Variants in PHLDB2 observed in about 807,000 individuals in gnomAD.
PHLDB2 encodes the protein pleckstrin homology-like domain family B member 2.
PHLDB2 carries 71 observed loss-of-function variants against 123.6 expected under a neutral mutation model. That is an observed-to-expected ratio of 0.57 (90% CI 0.47 to 0.70). The LOEUF (loss-of-function observed/expected upper bound fraction) is 0.70. Among genes scored for constraint, PHLDB2 ranks in the 30% least tolerant of loss-of-function variants. PHLDB2 has a pLI of 0.00. For synonymous variants in PHLDB2, 547 were observed against 541.6 expected, an observed-to-expected ratio of 1.01 and a Z score of -0.14; for missense variants, 1,446 against 1,519.5, an observed-to-expected ratio of 0.95 and a Z score of 0.80.
chr3:111,853,409 G>A (rs1436045948), intron 2 of PHLDB2, among the ~76,000 whole-genome samples: 1 of 152,292 alleles, frequency 6.6e-6, no homozygotes, highest in South Asian at 2.1e-4. Context: ...AAAAGAGTGT[G>A]TAAATTGGAA....
At chr3:111,857,824 G>A (rs2064590306), upstream of PHLDB2, among the ~76,000 whole-genome samples, 2 of 152,206 alleles carry the variant, frequency 1.3e-5, no homozygotes, top group Admixed American at 6.5e-5. Flanking sequence ...CAGAGAATGT[G>A]GAGAAATGGG....
intron 6 of PHLDB2, among the ~76,000 whole-genome samples, chr3:111,935,093 A>ATTTT (rs34291565): frequency 3.6e-4 from 27 of 75,200 alleles, no homozygotes; most frequent in Non-Finnish European, 4.5e-4. Flanking sequence ...TGGTATCTTG[A>ATTTT]TTTTTTTTTT....
At chr3:111,779,729 C>T (rs772434670) in intron 1 of PHLDB2, 6 of 457,976 alleles carry the variant, frequency 1.3e-5, no homozygotes, top group South Asian at 9.3e-5. Context: ...TTGTGAATGG[C>T]GTTAAGATGA....
chr3:111,803,111 T>C (rs1429294798), intron 1 of PHLDB2, among the ~76,000 whole-genome samples: 1 of 152,148 alleles, frequency 6.6e-6, no homozygotes, highest in African/African-American at 2.4e-5. Flanking sequence ...TATATGGCCA[T>C]CTCTCTAATT....
At position 111,789,080 on chromosome 3, in the gene PHLDB2, C is replaced by A. The variant is rs138671449; in HGVS notation, c.-49+56377C>A. Among the ~76,000 whole-genome samples the A allele has an allele frequency of 3.9e-3, 597 of 152,262 alleles. 1 individual carries two copies. Among genetic ancestry groups the A allele is most frequent in the African/African-American group, 0.014 (574 of 41,542 alleles). ...GAATGCCAGGTTCACACATCAAATC[C>A]CTGAGTTTTACTTTTCCCAATCGTC... On this transcript the variant is annotated intron_variant, in intron 1 of 17. Coordinates refer to the PHLDB2 transcript ENST00000393923.
At position 111,770,213 on chromosome 3, in the gene PHLDB2, A is replaced by AT. The variant is rs545805495; in HGVS notation, c.-49+37516dup. Among the ~76,000 whole-genome samples, 208 of 152,152 alleles carry AT rather than the reference A, an allele frequency of 1.4e-3. 1 individual carries two copies. The highest frequency in any genetic ancestry group is 4.6e-3 in the African/African-American group (191 of 41,504). On this transcript the variant is annotated intron_variant, in intron 1 of 17. Coordinates refer to the PHLDB2 transcript ENST00000393923. Reference sequence around the variant, plus strand: ...AGGGTGCTTATTACGTCATCAATGTATTTTTTCCAGATACCAGGCTCTTTT... The same window carrying AT: ...AGGGTGCTTATTACGTCATCAATGTATTTTTTTCCAGATACCAGGCTCTTTT...
chr3:111,800,166 C>A (rs1365581945), intron 1 of PHLDB2, among the ~76,000 whole-genome samples: 2 of 152,102 alleles, frequency 1.3e-5, no homozygotes, highest in South Asian at 4.1e-4. Flanking sequence ...CCACCATGCC[C>A]ACCTAGTTTT....
At chr3:111,781,355 ATG>A (rs2060469118) in intron 1 of PHLDB2, among the ~76,000 whole-genome samples, 3 of 55,598 alleles carry the variant, frequency 5.4e-5, no homozygotes, top group South Asian at 1.6e-3. Flanking sequence ...TCTAATCCAC[ATG>A]TCTCCCATCC....
intron 9 of PHLDB2, among the ~76,000 whole-genome samples, chr3:111,945,820 A>G (rs771671652): frequency 1.1e-3 from 164 of 150,840 alleles, no homozygotes; most frequent in Middle Eastern, 6.8e-3. Flanking sequence ...CTATTTCCCC[A>G]CCCCCGCAAC....
intron 1 of PHLDB2, among the ~76,000 whole-genome samples, chr3:111,739,123 T>C (rs1427998361): frequency 1.3e-5 from 2 of 152,214 alleles, no homozygotes. Flanking sequence ...CAGAAAGTTC[T>C]TTACGGAAAA....
intron 1 of PHLDB2, among the ~76,000 whole-genome samples, chr3:111,748,897 A>G (rs1245401329): frequency 6.6e-6 from 1 of 152,022 alleles, no homozygotes; most frequent in Non-Finnish European, 1.5e-5. Flanking sequence ...TATTTGTATA[A>G]TATATATTTT....
At chr3:111,973,869 G>GA in intron 17 of PHLDB2, 52 bp downstream of exon 17, 1 of 1,135,952 alleles carries the variant, frequency 8.8e-7, no homozygotes, top group East Asian at 2.4e-5. Flanking sequence ...ATTAAGAAGG[G>GA]AAAAATATTT....
At chr3:111,889,794 T>C (rs542120836) in intron 2 of PHLDB2, among the ~76,000 whole-genome samples, 5 of 152,210 alleles carry the variant, frequency 3.3e-5, no homozygotes, top group Non-Finnish European at 7.3e-5. Flanking sequence ...TTTATCTAAC[T>C]ACTTGATAAT....
intron 1 of PHLDB2, among the ~76,000 whole-genome samples, chr3:111,795,740 T>C (rs186494944): frequency 6.6e-6 from 1 of 152,112 alleles, no homozygotes; most frequent in Non-Finnish European, 1.5e-5. Context: ...GGTTTTTGTT[T>C]TTGAGACGGA....
At chr3:111,803,027 A>T (rs2061435080) in intron 1 of PHLDB2, among the ~76,000 whole-genome samples, 1 of 152,238 alleles carries the variant, frequency 6.6e-6, no homozygotes, top group Admixed American at 6.5e-5. Flanking sequence ...AGTATAGGGG[A>T]TGTTGTACAA....
chr3:111,789,647 G>A (rs916876286), intron 1 of PHLDB2, among the ~76,000 whole-genome samples: 4 of 151,908 alleles, frequency 2.6e-5, no homozygotes, highest in African/African-American at 9.7e-5. Flanking sequence ...CTGTAAAATA[G>A]CAATGGTAAT....
Position 111,920,639 on chromosome 3 carries a change from T to C in PHLDB2, c.2001+220T>C, listed in dbSNP as rs575229674. Among the ~76,000 whole-genome samples, 12 of 152,316 alleles carry C rather than the reference T, an allele frequency of 7.9e-5. No individual in the cohort carries two copies. In the South Asian group the frequency reaches 2.5e-3, roughly 32 times the overall value. ...CTGAGAGAGCAGAGTTCATATAATT[T>C]GTGAGCCGATATTCCTGGCAGCTTT... On this transcript the variant is annotated intron_variant, in intron 5 of 17. Coordinates refer to ENST00000431670, the MANE Select transcript of PHLDB2 (RefSeq NM_001134438.2).
At chr3:111,823,610 C>T (rs1342176271) in intron 1 of PHLDB2, among the ~76,000 whole-genome samples, 2 of 152,168 alleles carry the variant, frequency 1.3e-5, no homozygotes, top group African/African-American at 4.8e-5. Context: ...CTTTCACAAA[C>T]CTAGCAAAGT....
intron 2 of PHLDB2, among the ~76,000 whole-genome samples, chr3:111,853,563 A>AT (rs1280770790): frequency 6.6e-6 from 1 of 152,118 alleles, no homozygotes; most frequent in Non-Finnish European, 1.5e-5. Flanking sequence ...TGGTACCTAC[A>AT]TTAACACACT....
Sources: allele counts gnomAD v4.1 joint callset (sites outside exome capture counted in the v4.1 genomes callset), GRCh38; gene constraint gnomAD v4.1.1; transcripts MANE v1.5; gene names NCBI Gene and HGNC (gene_info 2026-07-23, HGNC 2026-07-21).